UBOX5: variants seen among roughly 807,000 people sequenced by gnomAD.
UBOX5 encodes the protein RING finger protein 37.
A neutral mutation model predicts 39.0 loss-of-function variants in UBOX5; 28 were observed. The ratio of observed to expected loss-of-function variants is 0.72; its 90% confidence interval spans 0.53 to 0.98. The LOEUF (loss-of-function observed/expected upper bound fraction) is 0.98, where lower values mean the gene tolerates loss of function less well. UBOX5 is among the 50% of genes least tolerant of loss of function. The pLI, the probability that UBOX5 is intolerant of heterozygous loss-of-function variation, is 0.00. For missense variants in UBOX5, 585 were observed against 674.4 expected (o/e 0.87, Z 1.47); for synonymous variants, 283 against 275.5 (o/e 1.03, Z -0.27).
intron 1 of UBOX5, chr20:3,146,889 G>C (rs749852810): frequency 6.2e-7 from 1 of 1,614,190 alleles, no homozygotes; most frequent in Non-Finnish European, 8.5e-7. Flanking sequence ...CGGTAGCCAA[G>C]CCGAGCCAGC....
chr20:3,114,648 G>A (rs969679450), intron 4 of UBOX5, among the ~76,000 whole-genome samples: 1 of 152,018 alleles, frequency 6.6e-6, no homozygotes, highest in Non-Finnish European at 1.5e-5. Context: ...CTGGCTAGAT[G>A]AGAAAAAAAT....
In UBOX5 at chr20:3,108,940, A is replaced by AC. The variant is rs1017492598; in HGVS notation, c.*1165_*1166insG. On this transcript the variant is annotated 3_prime_UTR_variant, in exon 5 of 5. Coordinates refer to ENST00000217173, the MANE Select transcript of UBOX5 (RefSeq NM_014948.4). ...AGAGACCAACCCTGTCTCAATTAAA[A>AC]AAAAAAAAAAAAAAGCAACTAACCC... 3 of 150,762 alleles carry AC rather than the reference A, an allele frequency of 2.0e-5. No homozygotes were observed. Among genetic ancestry groups the AC allele is most frequent in the African/African-American group, 7.3e-5 (3 of 41,086 alleles). The allele number at this position is 150,762 out of a possible 1,614,324, so 9.3% of individuals were successfully genotyped here.
At chr20:3,145,726 ACATCCAG>A (rs2148617330) in intron 1 of UBOX5, among the ~76,000 whole-genome samples, 1 of 152,238 alleles carries the variant, frequency 6.6e-6, no homozygotes, top group African/African-American at 2.4e-5. Flanking sequence ...ATGAGCCACC[ACATCCAG>A]CATGAGATTC....
chr20:3,121,057 T>C (rs1169306258), intron 3 of UBOX5, among the ~76,000 whole-genome samples: 3 of 152,124 alleles, frequency 2.0e-5, no homozygotes, highest in African/African-American at 7.2e-5. Flanking sequence ...CAGGAAAAAG[T>C]GTTGACCAGG....
chr20:3,130,460 C>T (rs2066421119), intron 1 of UBOX5, among the ~76,000 whole-genome samples: 1 of 151,732 alleles, frequency 6.6e-6, no homozygotes, highest in Non-Finnish European at 1.5e-5. Flanking sequence ...ATCCTCCTGC[C>T]TGAGTGCCCC....
At chr20:3,155,548 C>T (rs1012649104) in intron 1 of UBOX5, among the ~76,000 whole-genome samples, 7 of 151,640 alleles carry the variant, frequency 4.6e-5, no homozygotes, top group Non-Finnish European at 5.9e-5. Context: ...AAAAGTGGGT[C>T]GGGAGAGGAA....
chr20:3,147,527 TA>T, intron 1 of UBOX5: 5 of 1,614,182 alleles, frequency 3.1e-6, no homozygotes, highest in Non-Finnish European at 4.2e-6. Flanking sequence ...ATCGAGGGTA[TA>T]TAGTTCCTTA....
Position 3,115,429 on chromosome 20 carries a change from CAAGCTTTGTGACAGCTTCT to C in UBOX5, c.1274_1292del (p.Gln425ArgfsTer19). 2 of 1,614,012 alleles carry C rather than the reference CAAGCTTTGTGACAGCTTCT, an allele frequency of 1.2e-6. No homozygotes were observed. Among genetic ancestry groups the C allele is most frequent in the Non-Finnish European group, 1.7e-6 (2 of 1,179,942 alleles). On this transcript the variant is annotated frameshift_variant, in exon 4 of 5. Coordinates refer to ENST00000217173, the MANE Select transcript of UBOX5 (RefSeq NM_014948.4). LOFTEE classifies it high-confidence loss of function. ...CAAGGGTGGATGCCAAGGCAATTTC[CAAGCTTTGTGACAGCTTCT>C]GCTCGTGGGACAGTGGACCTGTCGA...
chr20:3,110,223 G>C lies in UBOX5; in HGVS notation c.1509C>G (p.Pro503=), dbSNP rs1206901300. ...YFKKEPVYQL[P]CGHLLCRPCL... is the part of the protein sequence containing the mutation. ...AGGGTCGGCACAGGAGGTGGCCGCA[G>C]GGCAGCTGGTACACCGGCTCCTTTT... The change falls in exon 5 of 5, where the codon CCC becomes CCG. Residue 503 remains proline, a synonymous_variant. Transcript: ENST00000217173. 1 of 1,614,080 alleles carries C rather than the reference G, an allele frequency of 6.2e-7. No individual in the cohort carries two copies. Among genetic ancestry groups the C allele is most frequent in the Admixed American group, 1.7e-5 (1 of 60,032 alleles).
intron 1 of UBOX5, among the ~76,000 whole-genome samples, chr20:3,155,857 CTACT>C (rs375972100): frequency 9.7e-4 from 147 of 152,284 alleles, no homozygotes; most frequent in African/African-American, 3.4e-3. Flanking sequence ...TAAACAGTGG[CTACT>C]TACTCTTTTC....
intron 1 of UBOX5, among the ~76,000 whole-genome samples, chr20:3,128,214 C>T (rs1158525749): frequency 6.6e-6 from 1 of 152,244 alleles, no homozygotes; most frequent in Non-Finnish European, 1.5e-5. Context: ...CACCAGAACT[C>T]ATTTAGAGCA....
chr20:3,121,958 G>A lies in UBOX5; in HGVS notation c.681C>T (p.Ala227=). 6.2e-7 allele frequency: 1 copy of A among 1,613,990 alleles called. No individual in the cohort carries two copies. The highest frequency in any genetic ancestry group is 8.5e-7 in the Non-Finnish European group (1 of 1,180,036). ...GGTCACAGTCACTTTCCATGGGCAA[G>A]GCTGGAGCCTGCAGAGCCACATCCT... ...LPQDVALQAP[A]LPMESDCDPG... Residue 227 remains alanine (A), a synonymous_variant, in exon 3 of 5, where the codon GCC becomes GCT. Transcript: ENST00000217173.
rs1278921395 is a variant in UBOX5, at chr20:3,149,919, T to C, written c.-42+9847A>G. Among the ~76,000 whole-genome samples the C allele has an allele frequency of 6.6e-6, 1 of 150,956 alleles. No homozygotes were observed. The highest frequency in any genetic ancestry group is 1.5e-5 in the Non-Finnish European group (1 of 67,930). On this transcript the variant is annotated intron_variant, in intron 1 of 4. Transcript: ENST00000217173. This position sits in a 1 kb window ranked among gnomAD's most constrained non-coding sequence, Gnocchi z 4.1. ...CTGTAATCCCAGCTACTCAGGAGGCTGAGGCAGGAGAATCCCTTGAACCCA... is the reference window on the plus strand; with the variant it reads ...CTGTAATCCCAGCTACTCAGGAGGCCGAGGCAGGAGAATCCCTTGAACCCA...
chr20:3,151,763 T>C (rs1399412779), intron 1 of UBOX5: 2 of 152,068 alleles, frequency 1.3e-5, no homozygotes, highest in Non-Finnish European at 2.9e-5. Context: ...AAAATAGTCA[T>C]TAGGAAATCC....
chr20:3,108,716 TGAGCC>T lies in UBOX5; in HGVS notation c.*1385_*1389del, dbSNP rs2066229734. 6.6e-6 allele frequency: 1 copy of T among 151,878 alleles called. No homozygotes were observed. Among genetic ancestry groups the T allele is most frequent in the Admixed American group, 6.6e-5 (1 of 15,246 alleles). 9.4% of individuals were successfully genotyped at this position (151,878 alleles called of 1,614,324 possible). ...ATCCAAGCACTTTGGGAGGATCGCTTGAGCCCAGGAGTTTGAGACCAGTCTGGACA... is the reference window on the plus strand; with the variant it reads ...ATCCAAGCACTTTGGGAGGATCGCTTCAGGAGTTTGAGACCAGTCTGGACA... On this transcript the variant is annotated 3_prime_UTR_variant, in exon 5 of 5. Transcript: ENST00000217173.
In UBOX5 at chr20:3,109,986, G is replaced by C; in HGVS notation, c.*120C>G. Reference sequence around the variant, plus strand: ...CCGTGAGGTGATGAAGAAGAGCCCCGGGAGGGAGCAGGCAGCTCTGTGCCT... The same window carrying C: ...CCGTGAGGTGATGAAGAAGAGCCCCCGGAGGGAGCAGGCAGCTCTGTGCCT... On this transcript the variant is annotated 3_prime_UTR_variant, in exon 5 of 5. Transcript: ENST00000217173. 3.4e-6 allele frequency: 4 copies of C among 1,190,614 alleles called. No individual in the cohort carries two copies. In the South Asian group the frequency reaches 5.3e-5, roughly 16 times the overall value. The allele number at this position is 1,190,614 out of a possible 1,614,324, so 73.8% of individuals were successfully genotyped here.
At position 3,110,285 on chromosome 20, in the gene UBOX5, A is replaced by T. The variant is rs1362447254; in HGVS notation, c.1447T>A (p.Cys483Ser). Residue 483 changes from cysteine (C) to serine (S), a missense_variant, in exon 5 of 5, where the codon TGT becomes AGT. Cys to Ser is a moderately radical substitution (Grantham distance 112, BLOSUM62 -1). Coordinates refer to ENST00000217173, the MANE Select transcript of UBOX5 (RefSeq NM_014948.4). ...GAAAATACTCTTTTGCAGGAGGCAC[A>T]TTCGGGGCCCAGGATGCTCCCAGGC... ...EQPGSILGPE[C>S]ASCKRVFSPY... The T allele has an allele frequency of 6.2e-7, 1 of 1,614,048 alleles. No individual in the cohort carries two copies. The highest frequency in any genetic ancestry group is 1.3e-5 in the African/African-American group (1 of 74,942).
At chr20:3,120,880 C>T (rs2066329982) in intron 3 of UBOX5, among the ~76,000 whole-genome samples, 1 of 152,186 alleles carries the variant, frequency 6.6e-6, no homozygotes, top group African/African-American at 2.4e-5. Context: ...GGGGGGCGCA[C>T]AGAGAACCTC....
chr20:3,137,429 T>C (rs368884958), intron 1 of UBOX5, among the ~76,000 whole-genome samples: 2 of 152,108 alleles, frequency 1.3e-5, no homozygotes, highest in African/African-American at 4.8e-5. Context: ...CCACCATGCC[T>C]GGCTATTTTT....
Sources: allele counts gnomAD v4.1 joint callset (sites outside exome capture counted in the v4.1 genomes callset), GRCh38; gene constraint gnomAD v4.1.1; non-coding constraint Gnocchi (gnomAD v3.1); transcripts MANE v1.5; gene names NCBI Gene and HGNC (gene_info 2026-07-23, HGNC 2026-07-21).